AP4M1: variants seen among roughly 807,000 people sequenced by gnomAD.
The protein encoded by AP4M1 is adaptor related protein complex 4 subunit mu 1, also known as AP-4 complex subunit mu-1.
Under a neutral mutation model 62.4 loss-of-function variants are expected in AP4M1, and 58 were observed. The ratio of observed to expected loss-of-function variants is 0.93; its 90% CI spans 0.75 to 1.16. The LOEUF is 1.16. AP4M1 is among the 50% of genes most tolerant of loss of function. The pLI is 0.00. For synonymous variants in AP4M1, 290 were observed against 239.7 expected (o/e 1.21, Z -1.94); for missense variants, 626 against 585.4 (o/e 1.07, Z -0.72).
upstream of AP4M1, chr7:100,101,314 G>A (rs1796015334): frequency 1.9e-6 from 3 of 1,613,024 alleles, no homozygotes; most frequent in Admixed American, 5.0e-5. Context: ...GGGCCGTGCG[G>A]CCGCGCTTGG....
intron 12 of AP4M1, 35 bp downstream of exon 12, chr7:100,106,038 T>C: frequency 1.2e-6 from 2 of 1,612,576 alleles, no homozygotes; most frequent in Non-Finnish European, 1.7e-6. Context: ...AGTTCAGCTC[T>C]ATGGGACGGA....
intron 9 of AP4M1, 35 bp downstream of exon 9, chr7:100,105,133 AG>A: frequency 4.3e-6 from 7 of 1,613,582 alleles, no homozygotes; most frequent in Non-Finnish European, 4.2e-6. Context: ...CCCTTGGAGT[AG>A]GTCATTGCCA....
chr7:100,108,182 G>T lies in AP4M1; in HGVS notation c.*1300G>T. 6.5e-7 allele frequency: 1 copy of T among 1,528,504 alleles called. No homozygotes were observed. The highest frequency in any genetic ancestry group is 1.2e-5 in the South Asian group (1 of 82,766). The allele number at this position is 1,528,504 out of a possible 1,614,324, so 94.7% of individuals were successfully genotyped here. On this transcript the variant is annotated 3_prime_UTR_variant, in exon 15 of 15. Transcript: ENST00000359593. ...CATCTACTAAGAAGAGGAGTCTGAA[G>T]GGAGAGGCCTGGGCTCCCCTCGCTC...
intron 2 of AP4M1, chr7:100,102,456 G>T (rs1158821034): frequency 3.3e-6 from 2 of 605,944 alleles, no homozygotes; most frequent in Middle Eastern, 4.5e-4. Context: ...ACCAGGCCCA[G>T]CTCCCTGCGT....
rs147261925 is a variant in AP4M1 at position 100,103,437 on chromosome 7, C to T, written c.380C>T (p.Thr127Met). Residue 127 changes from threonine (T) to methionine (M), a missense_variant, in exon 5 of 15, where the codon ACG becomes ATG. Coordinates refer to ENST00000359593, the MANE Select transcript of AP4M1 (RefSeq NM_004722.4). ...TATGGCTATGTACAGACCACATCCA[C>T]GGAGATGCTGAGGAATTTCATCCAG... ...LDYGYVQTTS[T>M]EMLRNFIQTE... The T allele has an allele frequency of 2.1e-4, 345 of 1,613,980 alleles. No individual in the cohort carries two copies. The highest frequency in any genetic ancestry group is 2.7e-4 in the Non-Finnish European group (321 of 1,180,012).
At chr7:100,103,754 A>T in intron 6 of AP4M1, 62 bp downstream of exon 6, 2 of 1,572,458 alleles carry the variant, frequency 1.3e-6, no homozygotes, top group East Asian at 4.5e-5. Context: ...GGAGTCCAAG[A>T]TCTTAGGTCG....
chr7:100,101,086 C>T (rs1795995096), upstream of AP4M1: 1 of 768,218 alleles, frequency 1.3e-6, no homozygotes, highest in African/African-American at 1.8e-5. Flanking sequence ...CATCGATGGC[C>T]CCCCGCACGC....
At chr7:100,105,916 G>A (rs1171749342) in intron 11 of AP4M1, 43 bp from the exon 12 acceptor site, 1 of 1,611,542 alleles carries the variant, frequency 6.2e-7, no homozygotes, top group Middle Eastern at 1.7e-4. Context: ...TGAGATGCCA[G>A]TAGAAGATGG....
rs1450171617 is a variant in AP4M1, at chr7:100,107,861, C to G, written c.*979C>G. ...AGGGGACTGTGCTCTACTCCTGGGCCTCCCCAGGGTGCTCTGAGGTAACCC... is the reference window on the plus strand; with the variant it reads ...AGGGGACTGTGCTCTACTCCTGGGCGTCCCCAGGGTGCTCTGAGGTAACCC... On this transcript the variant is annotated 3_prime_UTR_variant, in exon 15 of 15. Transcript: ENST00000359593. The G allele has an allele frequency of 2.6e-6, 4 of 1,532,330 alleles. No individual in the cohort carries two copies. Among genetic ancestry groups the G allele is most frequent in the Non-Finnish European group, 3.5e-6 (4 of 1,134,398 alleles). 94.9% of individuals were successfully genotyped at this position (1,532,330 alleles called of 1,614,324 possible). A position where few individuals can be genotyped will look rare whatever the true frequency, so the allele number is the denominator to read the frequency against.
Position 100,103,013 on chromosome 7 carries a change from C to G in AP4M1, c.351+53C>G, listed in dbSNP as rs550232214. On this transcript the variant is annotated intron_variant, in intron 4 of 14. Coordinates refer to ENST00000359593, the MANE Select transcript of AP4M1 (RefSeq NM_004722.4). ...CCCCTACCCAATTCCCCTGAAGATA[C>G]ATCTGCTCTTCTACTGTGGGATGCC... is the stretch of plus-strand genomic sequence containing the variant. 2.3e-6 allele frequency: 3 copies of G among 1,327,286 alleles called. No individual in the cohort carries two copies. In the South Asian group the frequency reaches 3.5e-5, roughly 16 times the overall value. The allele number at this position is 1,327,286 out of a possible 1,614,324, so 82.2% of individuals were successfully genotyped here.
Position 100,105,468 on chromosome 7 carries a change from C to T in AP4M1, c.858C>T (p.Leu286=). The T allele has an allele frequency of 1.9e-6, 3 of 1,614,116 alleles. No individual in the cohort carries two copies. Among genetic ancestry groups the T allele is most frequent in the Non-Finnish European group, 2.5e-6 (3 of 1,180,028 alleles). Residue 286 remains leucine (L), a synonymous_variant, in exon 11 of 15, where the codon CTC becomes CTT. Coordinates refer to ENST00000359593, the MANE Select transcript of AP4M1 (RefSeq NM_004722.4). The stretch of plus-strand genomic sequence containing the variant: ...AGCTGACTGTGATGCGGTACCAACT[C>T]TCCGATGACCTCCCCTCACCGCTCC... The part of the protein sequence containing the change: ...QGELTVMRYQ[L]SDDLPSPLPF...
chr7:100,104,767 GT>G lies in AP4M1; in HGVS notation c.607-105del, dbSNP rs1290913289. 136 of 1,216,190 alleles carry G rather than the reference GT, an allele frequency of 1.1e-4. No individual in the cohort carries two copies. The East Asian group carries it at 2.9e-3, about 26-fold the overall frequency. 75.3% of individuals were successfully genotyped at this position (1,216,190 alleles called of 1,614,324 possible). On this transcript the variant is annotated intron_variant, in intron 7 of 14. Coordinates refer to ENST00000359593, the MANE Select transcript of AP4M1 (RefSeq NM_004722.4). Reference sequence around the variant, plus strand: ...AATGTCTTGAACCTGGGAGGTGGAGGTTGCAGTGAGCCGAGATCACGCCACT... The same window carrying G: ...AATGTCTTGAACCTGGGAGGTGGAGGTGCAGTGAGCCGAGATCACGCCACT...
At chr7:100,103,049 G>T in intron 4 of AP4M1, 89 bp downstream of exon 4, 1 of 1,030,200 alleles carries the variant, frequency 9.7e-7, no homozygotes, top group Non-Finnish European at 1.5e-6. Context: ...GTGGTTAGGA[G>T]GCCAAGTCTA....
upstream of AP4M1, chr7:100,101,065 C>G: frequency 1.4e-6 from 1 of 740,104 alleles, no homozygotes; most frequent in Non-Finnish European, 2.2e-6. Flanking sequence ...GGATTACTAG[C>G]TTTTCTTCAA....
intron 4 of AP4M1, 84 bp downstream of exon 4, chr7:100,103,044 TAGG>T (rs1356837482): frequency 8.2e-6 from 10 of 1,216,034 alleles, no homozygotes; most frequent in Non-Finnish European, 9.6e-6. Context: ...ATGCCGTGGT[TAGG>T]AGGCCAAGTC....
At chr7:100,101,106 C>T, upstream of AP4M1, 2 of 888,724 alleles carry the variant, frequency 2.3e-6, no homozygotes, top group Non-Finnish European at 3.4e-6. Context: ...CTTCCCAGGC[C>T]CCGTGGGCCT....
rs1562910337 is a variant in AP4M1 at position 100,105,513 on chromosome 7, T to C, written c.903T>C (p.Ser301=). 2 of 1,613,876 alleles carry C rather than the reference T, an allele frequency of 1.2e-6. No homozygotes were observed. The highest frequency in any genetic ancestry group is 2.2e-5 in the East Asian group (1 of 44,880). The part of the protein sequence containing the change: ...PSPLPFRLFP[S]VQWDRGSGRL... The stretch of plus-strand genomic sequence containing the variant: ...CGCTCCCCTTCCGGCTCTTCCCCTC[T>C]GTGCAGTGGGACCGAGGCTCAGGCC... The change falls in exon 11 of 15, where the codon TCT becomes TCC. Residue 301 remains serine, a synonymous_variant. Transcript: ENST00000359593.
At chr7:100,101,368 G>T, upstream of AP4M1, 2 of 1,595,452 alleles carry the variant, frequency 1.3e-6, no homozygotes. Context: ...GAATCTCCGC[G>T]CGGTGGACTG....
Position 100,107,807 on chromosome 7 carries a change from C to T in AP4M1, c.*925C>T. 2 of 1,407,714 alleles carry T rather than the reference C, an allele frequency of 1.4e-6. No individual in the cohort carries two copies. Among genetic ancestry groups the T allele is most frequent in the South Asian group, 2.9e-5 (2 of 69,588 alleles). The allele number at this position is 1,407,714 out of a possible 1,614,324, so 87.2% of individuals were successfully genotyped here. ...CAGCCCTGCAGGACCCTGGTGGGCG[C>T]CTCTTCCAGCTCTTGACTTGGGGCC... On this transcript the variant is annotated 3_prime_UTR_variant, in exon 15 of 15. Coordinates refer to ENST00000359593, the MANE Select transcript of AP4M1 (RefSeq NM_004722.4).
Sources: allele counts gnomAD v4.1 joint callset, GRCh38; gene constraint gnomAD v4.1.1; transcripts MANE v1.5; gene names NCBI Gene and HGNC (gene_info 2026-07-23, HGNC 2026-07-21).